Variants in VSX2 observed in about 807,000 individuals in gnomAD.
The protein encoded by VSX2 is ceh-10 homeo domain containing homolog.
VSX2 carries 28 observed loss-of-function variants against 32.1 expected under a neutral mutation model. The observed-to-expected ratio is 0.87, with a 90% CI of 0.65 to 1.20. The LOEUF (loss-of-function observed/expected upper bound fraction) is 1.20. VSX2 is among the 50% of genes most tolerant of loss of function. The pLI, the probability that VSX2 is intolerant of heterozygous loss-of-function variation, is 0.00. For missense variants in VSX2, 506 were observed against 488.7 expected (o/e 1.04, Z -0.33); for synonymous variants, 243 against 214.1 (o/e 1.14, Z -1.18).
At chr14:74,248,246 G>C (rs932576546) in intron 3 of VSX2, among the ~76,000 whole-genome samples, 2 of 150,920 alleles carry the variant, frequency 1.3e-5, no homozygotes, top group Non-Finnish European at 2.9e-5. Context: ...AGAAATTCTC[G>C]GCCACGCAGT....
chr14:74,252,944 G>C (rs1000687374), intron 3 of VSX2, among the ~76,000 whole-genome samples: 1 of 151,642 alleles, frequency 6.6e-6, no homozygotes, highest in South Asian at 2.1e-4. Flanking sequence ...AGCTACTCAG[G>C]AGGCTGAGGC....
chr14:74,253,237 C>T (rs2079241360), intron 3 of VSX2, among the ~76,000 whole-genome samples: 1 of 151,976 alleles, frequency 6.6e-6, no homozygotes, highest in Non-Finnish European at 1.5e-5. Flanking sequence ...CACCTTGACG[C>T]AGGGTCTTCT....
chr14:74,239,829 C>A lies in VSX2; in HGVS notation c.268C>A (p.Gln90Lys). The A allele has an allele frequency of 6.3e-7, 1 of 1,576,416 alleles. No individual in the cohort carries two copies. Among genetic ancestry groups the A allele is most frequent in the East Asian group, 2.3e-5 (1 of 43,464 alleles). The change falls in exon 1 of 5, where the codon CAG (glutamine) becomes AAG (lysine). Residue 90 changes from glutamine to lysine, a missense_variant. Coordinates refer to ENST00000261980, the MANE Select transcript of VSX2 (RefSeq NM_182894.3). ...GPGGLPGFYTQPTFLEVLSDP... is the reference protein window; with the variant it reads ...GPGGLPGFYTKPTFLEVLSDP... ...CGGGGGGCTCCCTGGCTTCTACACG[C>A]AGCCCACCTTCCTGGAAGTGCTGTC... is the stretch of plus-strand genomic sequence containing the variant.
At chr14:74,252,394 CTTT>C (rs1241617225) in intron 3 of VSX2, among the ~76,000 whole-genome samples, 4 of 143,322 alleles carry the variant, frequency 2.8e-5, no homozygotes, top group Admixed American at 1.4e-4. Context: ...TCTTTTCTTT[CTTT>C]TTTTTTTTTT....
At position 74,259,711 on chromosome 14, in the gene VSX2, T is replaced by G; in HGVS notation, c.689T>G (p.Ile230Ser). 1.2e-6 allele frequency: 2 copies of G among 1,613,432 alleles called. No homozygotes were observed. The highest frequency in any genetic ancestry group is 2.2e-5 in the South Asian group (2 of 91,036). The change falls in exon 4 of 5, where the codon ATC becomes AGC. Residue 230 changes from isoleucine to serine, a missense_variant. Coordinates refer to ENST00000261980, the MANE Select transcript of VSX2 (RefSeq NM_182894.3). ...TACGGGGCCATGGTGCGGCACTCCA[T>G]CCCCCTGCCCGAGTCCATCCTCAAG... The part of the protein sequence containing the change: ...GLYGAMVRHS[I>S]PLPESILKSA...
chr14:74,253,226 G>C lies in VSX2; in HGVS notation c.580-6376G>C, dbSNP rs1318227123. 2.6e-5 allele frequency among the ~76,000 whole-genome samples: 4 copies of C among 152,054 alleles called. 1 individual carries two copies. Among genetic ancestry groups the C allele is most frequent in the Non-Finnish European group, 4.4e-5 (3 of 68,012 alleles). On this transcript the variant is annotated intron_variant, in intron 3 of 4. Transcript: ENST00000261980. ...TAAGGCAGGGCTCTAGTCCTCGCTG[G>C]CACCTTGACGCAGGGTCTTCTGAAG... is the stretch of plus-strand genomic sequence containing the variant.
intron 3 of VSX2, among the ~76,000 whole-genome samples, chr14:74,253,990 A>G (rs2079245977): frequency 6.6e-6 from 1 of 152,198 alleles, no homozygotes; most frequent in Non-Finnish European, 1.5e-5. Context: ...AAAGGCACCT[A>G]GAGGCAGAGC....
chr14:74,250,554 T>C (rs62006810), intron 3 of VSX2, among the ~76,000 whole-genome samples: 2,656 of 152,322 alleles, frequency 0.017, 38 homozygotes, highest in Middle Eastern at 0.031. Context: ...GAGCACTGTG[T>C]GACTTTGCCT....
chr14:74,248,704 C>CAAA lies in VSX2; in HGVS notation c.579+3426_579+3428dup, dbSNP rs560624333. Among the ~76,000 whole-genome samples, 876 of 145,554 alleles carry CAAA rather than the reference C, an allele frequency of 6.0e-3. 10 individuals carry two copies. The highest frequency in any genetic ancestry group is 0.018 in the African/African-American group (729 of 39,554). On this transcript the variant is annotated intron_variant, in intron 3 of 4. Transcript: ENST00000261980. ...AGACTCTGTCTCAAAAACAAACGAACAAAAAAAAAAAACAGAGAGAAATTA... is the reference window on the plus strand; with the variant it reads ...AGACTCTGTCTCAAAAACAAACGAACAAAAAAAAAAAAAAACAGAGAGAAATTA...
chr14:74,246,710 A>G (rs1282846588), intron 3 of VSX2, among the ~76,000 whole-genome samples: 1 of 152,194 alleles, frequency 6.6e-6, no homozygotes, highest in African/African-American at 2.4e-5. Flanking sequence ...TGGCTGCGGC[A>G]GGGAGGAGCA....
At position 74,260,630 on chromosome 14, in the gene VSX2, C is replaced by T. The variant is rs770384606; in HGVS notation, c.797C>T (p.Ser266Leu). The T allele has an allele frequency of 2.4e-5, 39 of 1,607,010 alleles. No individual in the cohort carries two copies. Among genetic ancestry groups the T allele is most frequent in the South Asian group, 4.5e-5 (4 of 89,408 alleles). ...AAGTCGCTGGAGGCAGCAGCCGAGT[C>T]GGGGAGGAAGCCCGAGGGGGAACGC... ...HKKSLEAAAE[S>L]GRKPEGERQA... Residue 266 changes from serine to leucine, a missense_variant, in exon 5 of 5, where the codon TCG becomes TTG. Transcript: ENST00000261980.
intron 1 of VSX2, among the ~76,000 whole-genome samples, chr14:74,240,536 G>A (rs138381737): frequency 9.7e-4 from 148 of 152,202 alleles, no homozygotes; most frequent in African/African-American, 3.4e-3. Context: ...GACCCTGGGT[G>A]ACCTCTCCGC....
chr14:74,241,135 G>A (rs1427926912), intron 1 of VSX2, 47 bp from the exon 2 acceptor site: 2 of 1,594,762 alleles, frequency 1.3e-6, no homozygotes, highest in Non-Finnish European at 1.7e-6. Flanking sequence ...CGGGCACAGC[G>A]GAGCGCGTCC....
intron 3 of VSX2, among the ~76,000 whole-genome samples, chr14:74,246,774 A>C (rs2079194666): frequency 6.6e-6 from 1 of 152,076 alleles, no homozygotes; most frequent in South Asian, 2.1e-4. Context: ...GACCAGAATG[A>C]AGGAATAGCT....
intron 3 of VSX2, among the ~76,000 whole-genome samples, chr14:74,254,774 C>T (rs2079251805): frequency 8.7e-6 from 1 of 115,064 alleles, no homozygotes; most frequent in African/African-American, 3.5e-5. Context: ...CCAAAAACCC[C>T]GAAAAGTGGA....
chr14:74,241,306 C>G, intron 2 of VSX2, 40 bp downstream of exon 2: 1 of 1,594,556 alleles, frequency 6.3e-7, no homozygotes, highest in East Asian at 2.2e-5. Context: ...TGCCCGCGCA[C>G]CCCGCTGCCG....
intron 2 of VSX2, among the ~76,000 whole-genome samples, chr14:74,244,944 A>AAG (rs1566884506): frequency 3.0e-5 from 1 of 33,620 alleles, no homozygotes; most frequent in African/African-American, 9.9e-5. Flanking sequence ...GAGAGAGAGA[A>AAG]AGTGTGTGTG....
chr14:74,248,295 G>T lies in VSX2; in HGVS notation c.579+3007G>T, dbSNP rs1300578778. 8.8e-5 allele frequency among the ~76,000 whole-genome samples: 13 copies of T among 148,174 alleles called. No homozygotes were observed. The Admixed American group carries it at 8.9e-4, about 10-fold the overall frequency. On this transcript the variant is annotated intron_variant, in intron 3 of 4. Coordinates refer to ENST00000261980, the MANE Select transcript of VSX2 (RefSeq NM_182894.3). ...AATCCTAGCACTTTGGGAATCTGAGGTGGGAGGATTGCTTGAGCCCAGCAG... is the reference window on the plus strand; with the variant it reads ...AATCCTAGCACTTTGGGAATCTGAGTTGGGAGGATTGCTTGAGCCCAGCAG...
chr14:74,261,039 A>G lies in VSX2; in HGVS notation c.*120A>G. The G allele has an allele frequency of 8.1e-7, 1 of 1,227,444 alleles. No individual in the cohort carries two copies. 76.0% of individuals were successfully genotyped at this position (1,227,444 alleles called of 1,614,324 possible). A position where few individuals can be genotyped will look rare whatever the true frequency, so the allele number is the denominator to read the frequency against. On this transcript the variant is annotated 3_prime_UTR_variant, in exon 5 of 5. Coordinates refer to ENST00000261980, the MANE Select transcript of VSX2 (RefSeq NM_182894.3). ...GCCTCTGCCATCCTCCCTGTTCCCC[A>G]CAGGTCCTCCATCACCCCTGGTGGC...
Sources: allele counts gnomAD v4.1 joint callset (sites outside exome capture counted in the v4.1 genomes callset), GRCh38; gene constraint gnomAD v4.1.1; transcripts MANE v1.5; gene names NCBI Gene and HGNC (gene_info 2026-07-23, HGNC 2026-07-21).